THNSL1: variants seen among roughly 807,000 people sequenced by gnomAD.
The protein encoded by THNSL1 is threonine synthase-like 1.
A neutral mutation model predicts 50.4 loss-of-function variants in THNSL1; 48 were observed. The ratio of observed to expected loss-of-function variants is 0.95; its 90% confidence interval spans 0.76 to 1.21. The LOEUF (loss-of-function observed/expected upper bound fraction) is 1.21, where lower values mean the gene tolerates loss of function less well. THNSL1 is among the 50% of genes most tolerant of loss of function. The pLI is 0.00. For synonymous variants in THNSL1, 309 were observed against 306.1 expected (o/e 1.01, Z -0.10); for missense variants, 896 against 871.7 (o/e 1.03, Z -0.35).
At chr10:24,981,140 G>A in the THNSL1 span, among the ~76,000 whole-genome samples, 1 of 152,310 alleles carries the variant, frequency 6.6e-6, no homozygotes, top group Non-Finnish European at 1.5e-5. Flanking sequence ...CGATGTCCAG[G>A]CAATAACTCA....
In THNSL1 at chr10:25,025,116, CTA is replaced by C; in HGVS notation, c.1896_1897del (p.Tyr632Ter). 1 of 1,614,068 alleles carries C rather than the reference CTA, an allele frequency of 6.2e-7. No individual in the cohort carries two copies. Among genetic ancestry groups the C allele is most frequent in the Non-Finnish European group, 8.5e-7 (1 of 1,180,016 alleles). On this transcript the variant is annotated frameshift_variant, in exon 3 of 3. Coordinates refer to ENST00000376356, the MANE Select transcript of THNSL1 (RefSeq NM_024838.5). LOFTEE classifies it high-confidence loss of function. The part of the protein sequence containing the change: ...GECLAAINST[Y>X]NTSGYILDPH... ...AGTGCCTAGCAGCTATTAACTCCAC[CTA>C]TAATACTTCAGGGTATATTTTGGAT...
rs367746986 is a variant in THNSL1 at position 25,024,427 on chromosome 10, G to T, written c.1204G>T (p.Ala402Ser). The change falls in exon 3 of 3, where the codon GCT becomes TCT. Residue 402 changes from alanine (A) to serine (S), a missense_variant. By Grantham distance (99) the Ala-to-Ser change is moderately conservative (BLOSUM62 1). Transcript: ENST00000376356. ...AAATAAGAATGATAAGCAAAGGATAGCTGTGGTTGCATTTTTTCCTGAGAA... is the reference window on the plus strand; with the variant it reads ...AAATAAGAATGATAAGCAAAGGATATCTGTGGTTGCATTTTTTCCTGAGAA... ...RLNKNDKQRI[A>S]VVAFFPENGV... The T allele has an allele frequency of 2.5e-6, 4 of 1,613,924 alleles. No individual in the cohort carries two copies. Among genetic ancestry groups the T allele is most frequent in the African/African-American group, 2.7e-5 (2 of 74,938 alleles).
intron 1 of THNSL1, among the ~76,000 whole-genome samples, chr10:25,017,333 C>T (rs1002029350): frequency 6.6e-6 from 1 of 152,062 alleles, no homozygotes; most frequent in Non-Finnish European, 1.5e-5. Flanking sequence ...CGCTTTTACC[C>T]GAGTGTTTAA....
the THNSL1 span, among the ~76,000 whole-genome samples, chr10:24,952,864 C>T: frequency 6.6e-6 from 1 of 151,722 alleles, no homozygotes; most frequent in Non-Finnish European, 1.5e-5. This position sits in a 1 kb window ranked among gnomAD's most constrained non-coding sequence, Gnocchi z 5.1. Flanking sequence ...CCCTTGCGGC[C>T]GCCGCTGTCG....
At chr10:24,981,966 G>T in the THNSL1 span, 1 of 152,146 alleles carries the variant, frequency 6.6e-6, no homozygotes, top group Non-Finnish European at 1.5e-5. Flanking sequence ...ATAATATCAA[G>T]AGATCATTAA....
chr10:24,989,128 G>A, the THNSL1 span, among the ~76,000 whole-genome samples: 1 of 152,092 alleles, frequency 6.6e-6, no homozygotes, highest in East Asian at 1.9e-4. Flanking sequence ...CATCATTTAG[G>A]TGTAAAAACC....
the THNSL1 span, among the ~76,000 whole-genome samples, chr10:24,998,358 C>CCTCTCTCT: frequency 1.7e-5 from 2 of 117,306 alleles, no homozygotes; most frequent in African/African-American, 6.7e-5. Context: ...TTCCTTCCTT[C>CCTCTCTCT]CTCTCTCTCT....
intron 2 of THNSL1, among the ~76,000 whole-genome samples, chr10:25,022,806 T>C (rs7920740): frequency 0.036 from 5,465 of 152,220 alleles, 342 homozygotes; most frequent in African/African-American, 0.12. Flanking sequence ...AACCATGAAA[T>C]AATTTTCATT....
chr10:25,017,735 C>T (rs1850636126), intron 1 of THNSL1, among the ~76,000 whole-genome samples: 1 of 151,464 alleles, frequency 6.6e-6, no homozygotes, highest in African/African-American at 2.4e-5. Flanking sequence ...ATAGATGGAT[C>T]TGTAGATCTA....
chr10:24,966,673 T>C, the THNSL1 span, among the ~76,000 whole-genome samples: 4 of 152,356 alleles, frequency 2.6e-5, no homozygotes, highest in East Asian at 7.7e-4. Flanking sequence ...TGTACCTTTT[T>C]AGGCATCTGA....
At chr10:24,973,495 T>C in the THNSL1 span, among the ~76,000 whole-genome samples, 1 of 152,140 alleles carries the variant, frequency 6.6e-6, no homozygotes, top group African/African-American at 2.4e-5. Context: ...TTCCATTTAA[T>C]ATTTTCTAAC....
chr10:25,019,158 A>G (rs910666141), intron 1 of THNSL1, among the ~76,000 whole-genome samples: 12 of 152,210 alleles, frequency 7.9e-5, no homozygotes, highest in Admixed American at 6.5e-4. Flanking sequence ...CTCAGATTCA[A>G]CTAATTACAG....
chr10:25,004,247 T>A, the THNSL1 span, among the ~76,000 whole-genome samples: 4 of 152,332 alleles, frequency 2.6e-5, no homozygotes, highest in East Asian at 5.8e-4. Context: ...TAGGCATGCA[T>A]GTGTCTTTAT....
At chr10:24,978,438 T>C in the THNSL1 span, among the ~76,000 whole-genome samples, 2 of 150,474 alleles carry the variant, frequency 1.3e-5, no homozygotes. Context: ...TCCTGTCCTC[T>C]CTCTCTCTCT....
At chr10:25,016,418 C>A (rs1481171105), upstream of THNSL1, among the ~76,000 whole-genome samples, 1 of 152,258 alleles carries the variant, frequency 6.6e-6, no homozygotes, top group African/African-American at 2.4e-5. Flanking sequence ...GCGCAGGCGT[C>A]ACCCAATAAG....
At chr10:25,015,760 C>A, upstream of THNSL1, 2 of 1,121,742 alleles carry the variant, frequency 1.8e-6, no homozygotes, top group Middle Eastern at 3.1e-4. Context: ...GGCAAAAATA[C>A]ATTTTATTTA....
intron 1 of THNSL1, among the ~76,000 whole-genome samples, chr10:25,020,580 A>G (rs1030987254): frequency 3.9e-5 from 6 of 152,074 alleles, no homozygotes; most frequent in African/African-American, 1.2e-4. Context: ...CAGTCTGGGC[A>G]ACATGGTGAA....
chr10:24,994,604 C>G, the THNSL1 span, among the ~76,000 whole-genome samples: 1 of 152,106 alleles, frequency 6.6e-6, no homozygotes, highest in African/African-American at 2.4e-5. Flanking sequence ...GCTGGGATTA[C>G]AGTTGTGAGC....
At chr10:24,968,032 TG>T in the THNSL1 span, among the ~76,000 whole-genome samples, 1 of 148,746 alleles carries the variant, frequency 6.7e-6, no homozygotes, top group Non-Finnish European at 1.5e-5. Context: ...TGTGTGTGTG[TG>T]TACAGGCTGC....
Sources: allele counts gnomAD v4.1 joint callset (sites outside exome capture counted in the v4.1 genomes callset), GRCh38; gene constraint gnomAD v4.1.1; non-coding constraint Gnocchi (gnomAD v3.1); transcripts MANE v1.5; gene names NCBI Gene and HGNC (gene_info 2026-07-23, HGNC 2026-07-21).